The following ME3 variants were observed in gnomAD, a reference collection of about 807,000 sequenced individuals.
The protein encoded by ME3 is malic enzyme 3, also known as NADP-dependent malic enzyme, mitochondrial.
In ME3, 48 loss-of-function variants were observed where a neutral mutation model predicts 68.9. The ratio of observed to expected loss-of-function variants is 0.70; its 90% confidence interval spans 0.55 to 0.89. The LOEUF (loss-of-function observed/expected upper bound fraction) is 0.89, where lower values mean the gene tolerates loss of function less well. Among genes scored for constraint, ME3 ranks in the 40% least tolerant of loss-of-function variants. The probability of loss-of-function intolerance (pLI) is 0.00; values close to 1 mark genes in which losing one functional copy is unlikely to be tolerated. For synonymous variants in ME3, 320 were observed against 318.8 expected, an observed-to-expected ratio of 1.00 and a Z score of -0.04; for missense variants, 675 against 797.4, an observed-to-expected ratio of 0.85 and a Z score of 1.85.
chr11:86,441,855 A>G (rs999732524), intron 14 of ME3, among the ~76,000 whole-genome samples: 1 of 152,154 alleles, frequency 6.6e-6, no homozygotes, highest in African/African-American at 2.4e-5. Flanking sequence ...TATGGGTTAA[A>G]TTGGATGAAC....
intron 2 of ME3, among the ~76,000 whole-genome samples, chr11:86,617,059 T>TG (rs1476595774): frequency 7.3e-6 from 1 of 137,860 alleles, no homozygotes; most frequent in East Asian, 2.1e-4. Context: ...TTTTTTTTTT[T>TG]TTTTTTTTTT....
intron 4 of ME3, among the ~76,000 whole-genome samples, chr11:86,530,659 C>A (rs1210705654): frequency 1.3e-5 from 2 of 152,128 alleles, no homozygotes; most frequent in African/African-American, 4.8e-5. Context: ...AGATATAGAC[C>A]AATGGAACAG....
intron 7 of ME3, among the ~76,000 whole-genome samples, chr11:86,475,887 A>AGAGAGAGG (rs1951052503): frequency 6.7e-6 from 1 of 148,682 alleles, no homozygotes; most frequent in African/African-American, 2.5e-5. Flanking sequence ...AGAGAGAGAG[A>AGAGAGAGG]GAGAGAGAGA....
intron 7 of ME3, among the ~76,000 whole-genome samples, chr11:86,482,605 G>T (rs955990757): frequency 6.7e-6 from 1 of 150,044 alleles, no homozygotes; most frequent in Non-Finnish European, 1.5e-5. Flanking sequence ...CCTATGATTT[G>T]CTTCAACCAG....
chr11:86,614,658 C>G (rs192668617), intron 2 of ME3, among the ~76,000 whole-genome samples: 5 of 152,294 alleles, frequency 3.3e-5, no homozygotes, highest in Non-Finnish European at 7.3e-5. Flanking sequence ...CAGGCACCAA[C>G]CAGGTGCCTA....
chr11:86,600,507 A>T (rs1162320866), intron 2 of ME3, among the ~76,000 whole-genome samples: 2 of 150,408 alleles, frequency 1.3e-5, no homozygotes, highest in Non-Finnish European at 3.0e-5. Context: ...ATAATGGGAG[A>T]CTTTAACACC....
intron 2 of ME3, among the ~76,000 whole-genome samples, chr11:86,589,528 G>C (rs560901351): frequency 1.3e-5 from 2 of 152,336 alleles, no homozygotes; most frequent in East Asian, 3.9e-4. Flanking sequence ...AGGCATGTCA[G>C]GAAACAGAGG....
chr11:86,517,245 T>A (rs190690162), intron 4 of ME3, among the ~76,000 whole-genome samples: 30 of 152,220 alleles, frequency 2.0e-4, no homozygotes, highest in African/African-American at 6.7e-4. Context: ...GGTGGGAGTG[T>A]TTCAGAGTCA....
intron 2 of ME3, among the ~76,000 whole-genome samples, chr11:86,561,225 T>C (rs1048701555): frequency 6.6e-6 from 1 of 152,070 alleles, no homozygotes; most frequent in Non-Finnish European, 1.5e-5. Flanking sequence ...TGTTTTTGTT[T>C]TTGTTTTGCA....
At chr11:86,582,930 G>C (rs1001813023) in intron 2 of ME3, among the ~76,000 whole-genome samples, 2 of 151,526 alleles carry the variant, frequency 1.3e-5, no homozygotes, top group Admixed American at 6.6e-5. Context: ...AAAGAAGACA[G>C]AACAGAAGCT....
At chr11:86,644,313 T>C (rs1357259968) in intron 2 of ME3, among the ~76,000 whole-genome samples, 1 of 152,222 alleles carries the variant, frequency 6.6e-6, no homozygotes, top group Non-Finnish European at 1.5e-5. Flanking sequence ...TCTTCCAATC[T>C]GTTCTCCATA....
At chr11:86,618,025 T>C (rs977551099) in intron 2 of ME3, among the ~76,000 whole-genome samples, 1 of 152,142 alleles carries the variant, frequency 6.6e-6, no homozygotes, top group African/African-American at 2.4e-5. Flanking sequence ...TGTAGGATCA[T>C]GGCTGGGCAC....
intron 4 of ME3, among the ~76,000 whole-genome samples, chr11:86,536,863 A>G (rs1270305618): frequency 6.6e-6 from 1 of 152,204 alleles, no homozygotes; most frequent in Non-Finnish European, 1.5e-5. Flanking sequence ...ATTTTTCACA[A>G]TAGCAAAGAT....
At chr11:86,597,004 G>A (rs992712260) in intron 2 of ME3, among the ~76,000 whole-genome samples, 1 of 152,198 alleles carries the variant, frequency 6.6e-6, no homozygotes, top group African/African-American at 2.4e-5. Flanking sequence ...GAAAAAGTCT[G>A]GCTGAGAAGT....
chr11:86,450,112 C>G (rs1011915584), intron 9 of ME3, 110 bp from the exon 10 acceptor site: 10 of 967,792 alleles, frequency 1.0e-5, no homozygotes, highest in Middle Eastern at 2.2e-4. Flanking sequence ...CTCAATGACT[C>G]CCAGGAGGCC....
At chr11:86,496,029 C>A (rs1352946528) in intron 6 of ME3, among the ~76,000 whole-genome samples, 5 of 152,190 alleles carry the variant, frequency 3.3e-5, no homozygotes, top group Non-Finnish European at 7.3e-5. Context: ...GCCCACCGTT[C>A]CATCATTTGA....
intron 5 of ME3, among the ~76,000 whole-genome samples, chr11:86,506,625 C>G (rs1953093726): frequency 6.6e-6 from 1 of 152,148 alleles, no homozygotes; most frequent in Non-Finnish European, 1.5e-5. Context: ...CACAAAAGCA[C>G]CGAAAGTATT....
At chr11:86,525,188 C>T (rs747416389) in intron 4 of ME3, among the ~76,000 whole-genome samples, 1 of 152,128 alleles carries the variant, frequency 6.6e-6, no homozygotes, top group South Asian at 2.1e-4. Context: ...TCAGTTTTCT[C>T]ATCTGTAAAA....
Position 86,475,874 on chromosome 11 carries a change from T to TATAGAGAGAGAGAG in ME3, c.810-10675_810-10674insCTCTCTCTCTCTAT. On this transcript the variant is annotated intron_variant, in intron 7 of 14. Coordinates refer to ENST00000543262, the Ensembl canonical transcript of ME3. ...CAGTATATATATATATATATATATA[T>TATAGAGAGAGAGAG]AGAGAGAGAGAGAGAGAGAGAGAGA... 7.7e-3 allele frequency among the ~76,000 whole-genome samples: 704 copies of TATAGAGAGAGAGAG among 91,410 alleles called. 3 individuals are homozygous for TATAGAGAGAGAGAG. Among genetic ancestry groups the TATAGAGAGAGAGAG allele is most frequent in the Non-Finnish European group, 0.011 (555 of 48,424 alleles). 60.0% of individuals were successfully genotyped at this position (91,410 alleles called of 152,430 possible). A position where few individuals can be genotyped will look rare whatever the true frequency, so the allele number is the denominator to read the frequency against.
Sources: allele counts gnomAD v4.1 joint callset (sites outside exome capture counted in the v4.1 genomes callset), GRCh38; gene constraint gnomAD v4.1.1; transcripts MANE v1.5; gene names NCBI Gene and HGNC (gene_info 2026-07-23, HGNC 2026-07-21).